The following VARS1 variants were observed in gnomAD, a reference collection of about 807,000 sequenced individuals.
VARS1 encodes valyl-tRNA synthetase 1, also known as valine--tRNA ligase.
Under a neutral mutation model 161.0 loss-of-function variants are expected in VARS1, and 92 were observed. The ratio of observed to expected loss-of-function variants is 0.57; its 90% CI spans 0.48 to 0.68. VARS1 has a LOEUF of 0.68. Among genes scored for constraint, VARS1 ranks in the 30% least tolerant of loss-of-function variants. The probability of loss-of-function intolerance (pLI) is 0.00; values close to 1 mark genes in which losing one functional copy is unlikely to be tolerated. For synonymous variants in VARS1, 595 were observed against 682.5 expected (o/e 0.87, Z 2.00); for missense variants, 1,338 against 1,695.9 (o/e 0.79, Z 3.71).
intron 8 of VARS1, among the ~76,000 whole-genome samples, chr6:31,786,652 T>C (rs1185941604): frequency 9.3e-6 from 1 of 107,814 alleles, no homozygotes; most frequent in Non-Finnish European, 1.7e-5. Flanking sequence ...GATGACAGAG[T>C]GAGACTCTGT....
In VARS1 at chr6:31,781,369, C is replaced by T; in HGVS notation, c.2544+112G>A. ...TTCAACCCCACACCAGCCCCCGGGT[C>T]AGGCCTGCCCACAGCTAACCCCATG... On this transcript the variant is annotated intron_variant, in intron 21 of 29. Transcript: ENST00000375663. The surrounding 1 kb of genome is among the most constrained non-coding windows in gnomAD (Gnocchi z 6.8). 6.8e-7 allele frequency: 1 copy of T among 1,475,984 alleles called. No individual in the cohort carries two copies. Among genetic ancestry groups the T allele is most frequent in the Non-Finnish European group, 9.0e-7 (1 of 1,105,288 alleles). The allele number at this position is 1,475,984 out of a possible 1,614,324, so 91.4% of individuals were successfully genotyped here.
In VARS1 at chr6:31,785,436, C is replaced by T; in HGVS notation, c.1266-109G>A. On this transcript the variant is annotated intron_variant, in intron 9 of 29. Transcript: ENST00000375663. The surrounding 1 kb of genome is among the most constrained non-coding windows in gnomAD (Gnocchi z 6.1). ...CCCATCCCCCTGAAATTTACCTGGG[C>T]CCTAGAGCCAACTGACTCTGCCTCT... The T allele has an allele frequency of 6.5e-7, 1 of 1,543,092 alleles. No individual in the cohort carries two copies. The highest frequency in any genetic ancestry group is 8.8e-7 in the Non-Finnish European group (1 of 1,137,056).
At chr6:31,788,834 T>TA (rs1562308450) in intron 8 of VARS1, among the ~76,000 whole-genome samples, 2 of 151,582 alleles carry the variant, frequency 1.3e-5, no homozygotes, top group Non-Finnish European at 1.5e-5. Context: ...ATAATAAAAA[T>TA]AAAAAAATAA....
chr6:31,789,705 T>C (rs1382910466), intron 8 of VARS1, among the ~76,000 whole-genome samples: 1 of 152,148 alleles, frequency 6.6e-6, no homozygotes, highest in Middle Eastern at 3.2e-3. Flanking sequence ...CATGGAAGAA[T>C]TGTCTTGGGC....
intron 13 of VARS1, 26 bp from the exon 14 acceptor site, chr6:31,783,212 G>A (rs113591472): frequency 2.5e-6 from 4 of 1,607,518 alleles, no homozygotes; most frequent in Non-Finnish European, 3.4e-6. Flanking sequence ...TACCAAAAAC[G>A]CATGAAGCAG....
Position 31,791,858 on chromosome 6 carries a change from A to G in VARS1, c.972+13T>C, listed in dbSNP as rs1371523883. 6.2e-7 allele frequency: 1 copy of G among 1,611,332 alleles called. No individual in the cohort carries two copies. Among genetic ancestry groups the G allele is most frequent in the Non-Finnish European group, 8.5e-7 (1 of 1,179,138 alleles). On this transcript the variant is annotated intron_variant, in intron 7 of 29. Coordinates refer to ENST00000375663, the MANE Select transcript of VARS1 (RefSeq NM_006295.3). This position sits in a 1 kb window ranked among gnomAD's most constrained non-coding sequence, Gnocchi z 5.0. ...CCCACCCACTCTGGGCCTGGGCAGCAGTGCCTACTCACCCCATACTCTGGC... is the reference window on the plus strand; with the variant it reads ...CCCACCCACTCTGGGCCTGGGCAGCGGTGCCTACTCACCCCATACTCTGGC...
intron 5 of VARS1, 44 bp from the exon 6 acceptor site, chr6:31,792,345 C>T: frequency 1.9e-6 from 3 of 1,613,978 alleles, no homozygotes; most frequent in Non-Finnish European, 2.5e-6. Context: ...TCAGCCAACC[C>T]ATCACCGCAC....
Position 31,792,381 on chromosome 6 carries a change from C to A in VARS1, c.786+11G>T. ...ACATCAACTTTCCTTCCAGCTCCAC[C>A]CTCGCCTCACCTCCCCTGGAGGTGG... is the stretch of plus-strand genomic sequence containing the variant. On this transcript the variant is annotated intron_variant, in intron 5 of 29. Coordinates refer to ENST00000375663, the MANE Select transcript of VARS1 (RefSeq NM_006295.3). 6.2e-7 allele frequency: 1 copy of A among 1,614,002 alleles called. No individual in the cohort carries two copies. Among genetic ancestry groups the A allele is most frequent in the Non-Finnish European group, 8.5e-7 (1 of 1,180,012 alleles).
Position 31,782,791 on chromosome 6 carries a change from C to G in VARS1, c.1817G>C (p.Arg606Pro), listed in dbSNP as rs774262494. 6.2e-7 allele frequency: 1 copy of G among 1,613,014 alleles called. No homozygotes were observed. The highest frequency in any genetic ancestry group is 1.1e-5 in the South Asian group (1 of 91,076). The part of the protein sequence containing the change: ...HDQNDYEVGQ[R>P]HGLEAISIMD... ...GATGCTGATGGCCTCCAGCCCGTGC[C>G]GCTGCCCAACTTCATAGTCATTTTG... Residue 606 changes from arginine to proline, a missense_variant, in exon 15 of 30, where the codon CGG becomes CCG. This residue lies in a region of VARS1 where 902 missense variants were observed against 1,090.3 expected (regional missense o/e 0.83). Coordinates refer to ENST00000375663, the MANE Select transcript of VARS1 (RefSeq NM_006295.3). The surrounding 1 kb of genome is among the most constrained non-coding windows in gnomAD (Gnocchi z 8.3).
chr6:31,778,777 G>A lies in VARS1; in HGVS notation c.3726+190C>T. The A allele has an allele frequency of 3.9e-6, 3 of 776,182 alleles. No homozygotes were observed. The highest frequency in any genetic ancestry group is 6.0e-6 in the Non-Finnish European group (3 of 499,768). 48.1% of individuals were successfully genotyped at this position (776,182 alleles called of 1,614,324 possible). ...CCACCTTGGCCTCCCAAATTTCTGG[G>A]ATTACAGGTGTGAGCCACTGAGCCA... On this transcript the variant is annotated intron_variant, in intron 29 of 29. Coordinates refer to ENST00000375663, the MANE Select transcript of VARS1 (RefSeq NM_006295.3). This position sits in a 1 kb window ranked among gnomAD's most constrained non-coding sequence, Gnocchi z 5.1.
intron 2 of VARS1, among the ~76,000 whole-genome samples, chr6:31,794,093 C>CAA (rs33960246): frequency 0.03 from 2,141 of 71,046 alleles, 156 homozygotes; most frequent in African/African-American, 0.086. Flanking sequence ...GATTCTGTCT[C>CAA]AAAAAAAAAA....
chr6:31,789,181 AC>A (rs2151429876), intron 8 of VARS1, among the ~76,000 whole-genome samples: 1 of 152,262 alleles, frequency 6.6e-6, no homozygotes, highest in South Asian at 2.1e-4. Flanking sequence ...AAACTACCAC[AC>A]AATAATACAA....
Position 31,795,107 on chromosome 6 carries a change from G to A in VARS1, c.111C>T (p.His37=), listed in dbSNP as rs763852673. 5 of 1,487,570 alleles carry A rather than the reference G, an allele frequency of 3.4e-6. No individual in the cohort carries two copies. Among genetic ancestry groups the A allele is most frequent in the Admixed American group, 2.5e-5 (1 of 40,270 alleles). The allele number at this position is 1,487,570 out of a possible 1,614,324, so 92.1% of individuals were successfully genotyped here. ...AGEGPGWGGA[H]PRICLQPPPT... is the part of the protein sequence containing the mutation. ...GGGGTGGCTGGAGACAGATGCGGGG[G>A]TGGGCTCCTCCCCATCCGGGACCCT... The change falls in exon 2 of 30, where the codon CAC becomes CAT. Residue 37 remains histidine (H), a synonymous_variant. Coordinates refer to ENST00000375663, the MANE Select transcript of VARS1 (RefSeq NM_006295.3). The surrounding 1 kb of genome is among the most constrained non-coding windows in gnomAD (Gnocchi z 6.9).
chr6:31,792,693 GAA>G, intron 4 of VARS1, 62 bp downstream of exon 4: 2 of 1,601,800 alleles, frequency 1.2e-6, no homozygotes, highest in South Asian at 2.2e-5. Flanking sequence ...AGGAAAAAAA[GAA>G]AGTGAGTTGC....
At chr6:31,794,609 CA>C (rs1441554957) in intron 2 of VARS1, among the ~76,000 whole-genome samples, 1 of 152,224 alleles carries the variant, frequency 6.6e-6, no homozygotes, top group Non-Finnish European at 1.5e-5. Context: ...CTCAGTGAGG[CA>C]AGCATTACAT....
Position 31,779,967 on chromosome 6 carries a change from C to A in VARS1, c.3081+31G>T, listed in dbSNP as rs1813024244. On this transcript the variant is annotated intron_variant, in intron 26 of 29. Coordinates refer to ENST00000375663, the MANE Select transcript of VARS1 (RefSeq NM_006295.3). The surrounding 1 kb of genome is among the most constrained non-coding windows in gnomAD (Gnocchi z 9.1). ...GGGCTCTGCTGCCCACCTGCCCCCACCATCCCCTGCCCCGCTGTGCTCCTT... is the reference window on the plus strand; with the variant it reads ...GGGCTCTGCTGCCCACCTGCCCCCAACATCCCCTGCCCCGCTGTGCTCCTT... 1.2e-6 allele frequency: 2 copies of A among 1,611,244 alleles called. No individual in the cohort carries two copies. Among genetic ancestry groups the A allele is most frequent in the African/African-American group, 1.3e-5 (1 of 74,836 alleles).
At chr6:31,783,353 A>T (rs1433154809) in intron 13 of VARS1, 167 bp from the exon 14 acceptor site, 1 of 650,896 alleles carries the variant, frequency 1.5e-6, no homozygotes, top group African/African-American at 1.8e-5. Context: ...AAAAATACAA[A>T]AAAAAAATTA....
In VARS1 at chr6:31,795,335, C is replaced by G. The variant is rs2151438189; in HGVS notation, c.-33-85G>C. ...AGAGAGGGGACCCTCACGGGAGCTC[C>G]TTCGCCGCAGACACCCGAGTCCCAT... On this transcript the variant is annotated intron_variant, in intron 1 of 29. Coordinates refer to ENST00000375663, the MANE Select transcript of VARS1 (RefSeq NM_006295.3). The surrounding 1 kb of genome is among the most constrained non-coding windows in gnomAD (Gnocchi z 6.9). 9.9e-7 allele frequency: 1 copy of G among 1,013,976 alleles called. No homozygotes were observed. The highest frequency in any genetic ancestry group is 3.4e-4 in the Middle Eastern group (1 of 2,978). The allele number at this position is 1,013,976 out of a possible 1,614,324, so 62.8% of individuals were successfully genotyped here.
In VARS1 at chr6:31,793,026, T is replaced by G. The variant is rs1198598399; in HGVS notation, c.482A>C (p.Asp161Ala). The part of the protein sequence containing the change: ...YLAGEAPTLA[D>A]LAAVTALLLP... ...CAGCAAGGCTGTGACAGCCGCCAGG[T>G]CAGCCAGAGTGGGGGCCTCCCCGGC... Residue 161 changes from aspartate (D) to alanine (A), a missense_variant, in exon 3 of 30, where the codon GAC (aspartate) becomes GCC (alanine). This residue lies in a region of VARS1 where 902 missense variants were observed against 1,090.3 expected (regional missense o/e 0.83). Transcript: ENST00000375663. 1 of 1,613,036 alleles carries G rather than the reference T, an allele frequency of 6.2e-7. No individual in the cohort carries two copies. The highest frequency in any genetic ancestry group is 1.7e-5 in the Admixed American group (1 of 60,002).
Sources: gnomAD v4.1 joint callset for allele counts (sites outside exome capture counted in the v4.1 genomes callset) on GRCh38, gnomAD v4.1.1 for gene constraint, gnomAD v4.1.1 regional missense constraint, Gnocchi (gnomAD v3.1) non-coding constraint, MANE v1.5 for transcripts, NCBI Gene and HGNC (gene_info 2026-07-23, HGNC 2026-07-21) for gene names.